Variants in ADAM18 observed in about 807,000 individuals in gnomAD.
The protein encoded by ADAM18 is disintegrin and metalloproteinase domain-containing protein 18.
A neutral mutation model predicts 94.4 loss-of-function variants in ADAM18; 117 were observed. That is an observed-to-expected ratio of 1.24 (90% CI 1.07 to 1.45). The LOEUF (loss-of-function observed/expected upper bound fraction) is 1.45. Among genes scored for constraint, ADAM18 ranks in the 40% most tolerant of loss-of-function variants. The probability of loss-of-function intolerance (pLI) is 0.00; values close to 1 mark genes in which losing one functional copy is unlikely to be tolerated. For missense variants in ADAM18, 936 were observed against 880.0 expected (o/e 1.06, Z -0.81); for synonymous variants, 327 against 291.6 (o/e 1.12, Z -1.24).
chr8:39,661,319 A>ATTTTT (rs71518171), intron 12 of ADAM18, among the ~76,000 whole-genome samples: 61 of 112,808 alleles, frequency 5.4e-4, no homozygotes, highest in African/African-American at 1.4e-3. Context: ...CACCCGGCAA[A>ATTTTT]TTTTTTTTTT....
intron 2 of ADAM18, among the ~76,000 whole-genome samples, chr8:39,594,646 T>C (rs1001129674): frequency 2.0e-5 from 3 of 151,982 alleles, no homozygotes; most frequent in Non-Finnish European, 4.4e-5. Context: ...CGACATTTCC[T>C]TTGATCTTCA....
At chr8:39,690,994 T>G (rs1821759506) in intron 16 of ADAM18, among the ~76,000 whole-genome samples, 2 of 152,148 alleles carry the variant, frequency 1.3e-5, no homozygotes, top group Admixed American at 1.3e-4. Flanking sequence ...TTTTTAAAAA[T>G]GTACACCATG....
intron 14 of ADAM18, among the ~76,000 whole-genome samples, chr8:39,674,408 T>C (rs904310601): frequency 1.4e-4 from 22 of 152,180 alleles, no homozygotes; most frequent in African/African-American, 5.3e-4. Context: ...TTGATCTTGG[T>C]TTAAAGTTTG....
chr8:39,691,859 G>A (rs1281974315), intron 16 of ADAM18, among the ~76,000 whole-genome samples: 1 of 151,898 alleles, frequency 6.6e-6, no homozygotes, highest in Non-Finnish European at 1.5e-5. Flanking sequence ...ACAAAAGTGA[G>A]TTGACATATG....
chr8:39,595,541 G>A (rs917546340), intron 2 of ADAM18, among the ~76,000 whole-genome samples: 4 of 152,088 alleles, frequency 2.6e-5, no homozygotes. Context: ...CACTCCAGGA[G>A]ATTCACTCTG....
chr8:39,620,707 C>T (rs765573556), intron 6 of ADAM18, among the ~76,000 whole-genome samples: 30 of 150,060 alleles, frequency 2.0e-4, no homozygotes, highest in Non-Finnish European at 4.3e-4. Flanking sequence ...TCAGCAGCAA[C>T]AGCATAGATG....
At chr8:39,643,895 A>G (rs1403484573) in intron 10 of ADAM18, among the ~76,000 whole-genome samples, 1 of 151,556 alleles carries the variant, frequency 6.6e-6, no homozygotes, top group African/African-American at 2.4e-5. Flanking sequence ...GCCCCAAAAC[A>G]TGATGGTCAG....
intron 6 of ADAM18, among the ~76,000 whole-genome samples, chr8:39,623,465 C>T (rs1175622607): frequency 1.3e-5 from 2 of 151,754 alleles, no homozygotes; most frequent in African/African-American, 4.8e-5. Context: ...TGTACATATA[C>T]TCCTGAGCTT....
chr8:39,729,646 T>A (rs963125458), intron 19 of ADAM18, among the ~76,000 whole-genome samples: 1 of 152,042 alleles, frequency 6.6e-6, no homozygotes, highest in Non-Finnish European at 1.5e-5. Context: ...ATACATTTAT[T>A]TTATGTTTAG....
chr8:39,655,115 C>T (rs563216445), intron 12 of ADAM18, among the ~76,000 whole-genome samples: 3 of 152,034 alleles, frequency 2.0e-5, no homozygotes, highest in Non-Finnish European at 4.4e-5. Context: ...CCCAATTTCC[C>T]GTAGTGTTTC....
chr8:39,707,795 G>A (rs960566260), intron 18 of ADAM18, among the ~76,000 whole-genome samples: 8 of 151,676 alleles, frequency 5.3e-5, no homozygotes, highest in Non-Finnish European at 1.2e-4. Context: ...ACATATATTT[G>A]GAATATGTAT....
chr8:39,630,703 T>C (rs1819909126), intron 7 of ADAM18, among the ~76,000 whole-genome samples: 1 of 151,986 alleles, frequency 6.6e-6, no homozygotes, highest in African/African-American at 2.4e-5. Flanking sequence ...ATCACCAATC[T>C]TGCTCATGTC....
chr8:39,661,967 A>G (rs780404526), intron 12 of ADAM18, among the ~76,000 whole-genome samples: 2 of 150,544 alleles, frequency 1.3e-5, no homozygotes, highest in Non-Finnish European at 3.0e-5. Flanking sequence ...AGGCAACCAG[A>G]TATCATATAA....
chr8:39,640,285 A>G (rs539375775), intron 10 of ADAM18, among the ~76,000 whole-genome samples: 1 of 152,076 alleles, frequency 6.6e-6, no homozygotes, highest in South Asian at 2.1e-4. Flanking sequence ...GTGGTATTTG[A>G]CTTTTTGTTC....
chr8:39,630,960 G>A (rs918272251), intron 7 of ADAM18, among the ~76,000 whole-genome samples: 26 of 152,028 alleles, frequency 1.7e-4, no homozygotes, highest in African/African-American at 6.0e-4. Flanking sequence ...TGGTTTTTAG[G>A]TGCATTTAAC....
At chr8:39,587,869 C>A (rs901961597) in intron 2 of ADAM18, among the ~76,000 whole-genome samples, 5 of 152,260 alleles carry the variant, frequency 3.3e-5, no homozygotes, top group Middle Eastern at 3.4e-3. Context: ...AATAGGATTT[C>A]CTTCTTTTTT....
intron 17 of ADAM18, among the ~76,000 whole-genome samples, chr8:39,696,386 A>C (rs1821929026): frequency 6.6e-6 from 1 of 151,224 alleles, no homozygotes; most frequent in South Asian, 2.1e-4. Context: ...AATTTTGATG[A>C]TGTTTATTTA....
intron 16 of ADAM18, among the ~76,000 whole-genome samples, chr8:39,683,460 A>G (rs1563305240): frequency 6.6e-6 from 1 of 152,196 alleles, no homozygotes; most frequent in African/African-American, 2.4e-5. Flanking sequence ...TCTGATTTGC[A>G]AGATAAGTAT....
chr8:39,682,567 A>T (rs907486825), intron 16 of ADAM18, among the ~76,000 whole-genome samples: 2 of 152,202 alleles, frequency 1.3e-5, no homozygotes, highest in Non-Finnish European at 2.9e-5. Context: ...CCAAACAAGG[A>T]ACTCCCAACA....
Sources: gnomAD v4.1 joint callset for allele counts (sites outside exome capture counted in the v4.1 genomes callset) on GRCh38, gnomAD v4.1.1 for gene constraint, MANE v1.5 for transcripts, NCBI Gene and HGNC (gene_info 2026-07-23, HGNC 2026-07-21) for gene names.